Variants in KAZN observed in about 807,000 individuals in gnomAD.
KAZN encodes kazrin, periplakin interacting protein.
A neutral mutation model predicts 87.4 loss-of-function variants in KAZN; 40 were observed. The observed-to-expected ratio is 0.46, with a 90% CI of 0.36 to 0.60. KAZN has a LOEUF of 0.60. Among genes scored for constraint, KAZN ranks in the 20% least tolerant of loss-of-function variants. The pLI is 0.00. For missense variants in KAZN, 898 were observed against 1,073.9 expected (o/e 0.84, Z 2.29); for synonymous variants, 466 against 458.3 (o/e 1.02, Z -0.22).
chr1:14,261,775 G>A (rs978640276), intron 2 of KAZN, among the ~76,000 whole-genome samples: 3 of 152,108 alleles, frequency 2.0e-5, no homozygotes, highest in Admixed American at 6.5e-5. Context: ...CAGCTTAAAC[G>A]AATTGTTCCT....
At chr1:14,994,241 C>T (rs1258455773) in intron 2 of KAZN, among the ~76,000 whole-genome samples, 1 of 152,224 alleles carries the variant, frequency 6.6e-6, no homozygotes, top group Non-Finnish European at 1.5e-5. Flanking sequence ...TCAGCTCTGG[C>T]ACCTCCGGGC....
At chr1:14,619,233 T>A (rs1393409767) in intron 1 of KAZN, among the ~76,000 whole-genome samples, 1 of 151,838 alleles carries the variant, frequency 6.6e-6, no homozygotes, top group East Asian at 1.9e-4. Context: ...AATTTTACTC[T>A]CTTGCCTGGG....
At chr1:15,070,275 ACT>A (rs1373456808) in intron 8 of KAZN, among the ~76,000 whole-genome samples, 1 of 152,098 alleles carries the variant, frequency 6.6e-6, no homozygotes, top group Non-Finnish European at 1.5e-5. Flanking sequence ...CACTTTTGTG[ACT>A]CAGTCTGTTT....
rs12038506 is a variant in KAZN, at chr1:15,049,960, A to G, written c.726+5801A>G. Among the ~76,000 whole-genome samples the G allele has an allele frequency of 3.0e-3, 449 of 152,082 alleles. 5 individuals carry two copies. In the South Asian group the frequency reaches 0.04, roughly 13 times the overall value. ...AATCGCTTGAACCCAGGAGGGTTGC[A>G]GTGAGCTGAGATCACACCATTGCCC... On this transcript the variant is annotated intron_variant, in intron 4 of 14. Coordinates refer to ENST00000376030, the MANE Select transcript of KAZN (RefSeq NM_201628.3).
In KAZN at chr1:15,077,762, G is replaced by T. The variant is rs1465263544; in HGVS notation, c.1222+12009G>T. Among the ~76,000 whole-genome samples the T allele has an allele frequency of 6.6e-6, 1 of 152,198 alleles. No homozygotes were observed. Among genetic ancestry groups the T allele is most frequent in the Non-Finnish European group, 1.5e-5 (1 of 68,038 alleles). On this transcript the variant is annotated intron_variant, in intron 8 of 14. Coordinates refer to ENST00000376030, the MANE Select transcript of KAZN (RefSeq NM_201628.3). The surrounding 1 kb of genome is among the most constrained non-coding windows in gnomAD (Gnocchi z 4.8). ...GGCTGCGCAGTTATCAGCATGAAAAGCAGCTGCAGGCCTCCCAGGGATGCG... is the reference window on the plus strand; with the variant it reads ...GGCTGCGCAGTTATCAGCATGAAAATCAGCTGCAGGCCTCCCAGGGATGCG...
intron 2 of KAZN, among the ~76,000 whole-genome samples, chr1:14,491,050 T>A (rs1259254485): frequency 6.6e-6 from 1 of 152,242 alleles, no homozygotes; most frequent in African/African-American, 2.4e-5. Context: ...GTTTATACAT[T>A]TGTTCACATC....
At chr1:14,726,454 TC>T (rs1314130448) in intron 1 of KAZN, among the ~76,000 whole-genome samples, 3 of 152,110 alleles carry the variant, frequency 2.0e-5, no homozygotes, top group African/African-American at 7.2e-5. Context: ...GTGTGTGCTC[TC>T]CCCCAGGGAT....
intron 2 of KAZN, among the ~76,000 whole-genome samples, chr1:14,509,513 T>G (rs938430970): frequency 6.6e-6 from 1 of 152,210 alleles, no homozygotes; most frequent in African/African-American, 2.4e-5. Flanking sequence ...ATGTTCTATC[T>G]GAAATGACAT....
At chr1:14,478,249 A>AGAAG (rs141017159) in intron 2 of KAZN, among the ~76,000 whole-genome samples, 3,152 of 101,474 alleles carry the variant, frequency 0.031, 44 homozygotes, top group Middle Eastern at 0.053. Context: ...AGGAAGGAAA[A>AGAAG]GAAGGAAGGA....
At chr1:14,918,036 G>A (rs543867533) in intron 1 of KAZN, among the ~76,000 whole-genome samples, 3 of 152,090 alleles carry the variant, frequency 2.0e-5, no homozygotes, top group South Asian at 2.1e-4. Flanking sequence ...GAGCCACCAC[G>A]CCCGGCTAAT....
intron 1 of KAZN, among the ~76,000 whole-genome samples, chr1:14,169,367 G>A (rs941745749): frequency 3.3e-5 from 5 of 151,880 alleles, no homozygotes; most frequent in African/African-American, 1.2e-4. Flanking sequence ...CCCACATCCA[G>A]ACTGCCCATT....
In KAZN at chr1:15,116,785, A is replaced by G. The variant is rs1168760942; in HGVS notation, c.*2150A>G. 1 of 152,214 alleles carries G rather than the reference A, an allele frequency of 6.6e-6. No homozygotes were observed. Among genetic ancestry groups the G allele is most frequent in the East Asian group, 1.9e-4 (1 of 5,186 alleles). The allele number at this position is 152,214 out of a possible 1,614,324, so 9.4% of individuals were successfully genotyped here. On this transcript the variant is annotated 3_prime_UTR_variant, in exon 15 of 15. Transcript: ENST00000376030. ...AATGCAGAGCTGATGATTTGAAACC[A>G]ACGTTCACCCAACTTGTCAGAAATG... is the stretch of plus-strand genomic sequence containing the variant.
At chr1:14,900,582 T>C (rs1655755791) in intron 1 of KAZN, among the ~76,000 whole-genome samples, 1 of 151,946 alleles carries the variant, frequency 6.6e-6, no homozygotes, top group South Asian at 2.1e-4. Context: ...TGAAACTCTG[T>C]CTCTACTAAA....
chr1:14,706,131 A>G (rs1015730195), intron 1 of KAZN, among the ~76,000 whole-genome samples: 4 of 152,106 alleles, frequency 2.6e-5, no homozygotes, highest in Non-Finnish European at 2.9e-5. Flanking sequence ...AGGAGAATTG[A>G]GAATCTAATG....
At chr1:14,430,687 G>A (rs771525493) in intron 2 of KAZN, among the ~76,000 whole-genome samples, 8 of 152,212 alleles carry the variant, frequency 5.3e-5, no homozygotes, top group Admixed American at 2.6e-4. Flanking sequence ...TTCCCTTGAC[G>A]GTGGTGTGGG....
At chr1:15,020,502 C>T (rs1670558081) in intron 2 of KAZN, among the ~76,000 whole-genome samples, 1 of 152,164 alleles carries the variant, frequency 6.6e-6, no homozygotes, top group East Asian at 1.9e-4. Context: ...CCTCTTGCAT[C>T]GTCTCTTCTT....
At chr1:14,463,251 G>T (rs540880748) in intron 2 of KAZN, among the ~76,000 whole-genome samples, 1 of 152,104 alleles carries the variant, frequency 6.6e-6, no homozygotes, top group Admixed American at 6.5e-5. Context: ...TGGTGGGAGC[G>T]TCTTATGCTA....
chr1:14,633,999 G>C (rs1451624101), intron 1 of KAZN, among the ~76,000 whole-genome samples: 2 of 152,070 alleles, frequency 1.3e-5, no homozygotes, highest in Non-Finnish European at 2.9e-5. Context: ...GTGCCTACCT[G>C]TGTTTGAGGG....
intron 1 of KAZN, among the ~76,000 whole-genome samples, chr1:14,905,687 T>C (rs904181783): frequency 4.7e-5 from 7 of 148,984 alleles, no homozygotes; most frequent in Non-Finnish European, 7.4e-5. Flanking sequence ...CTACCAAAAA[T>C]ACAAAAATTA....
Sources: gnomAD v4.1 joint callset for allele counts (sites outside exome capture counted in the v4.1 genomes callset) on GRCh38, gnomAD v4.1.1 for gene constraint, Gnocchi (gnomAD v3.1) non-coding constraint, MANE v1.5 for transcripts, NCBI Gene and HGNC (gene_info 2026-07-23, HGNC 2026-07-21) for gene names.